Variants in PARD3B observed in about 807,000 individuals in gnomAD.
PARD3B encodes the protein partitioning defective 3 homolog B.
Under a neutral mutation model 130.2 loss-of-function variants are expected in PARD3B, and 103 were observed. The observed-to-expected ratio is 0.79, with a 90% CI of 0.67 to 0.93. PARD3B has a LOEUF of 0.93. Among genes scored for constraint, PARD3B ranks in the 40% least tolerant of loss-of-function variants. The pLI is 0.00. For missense variants in PARD3B, 1,609 were observed against 1,499.2 expected, an observed-to-expected ratio of 1.07 and a Z score of -1.21; for synonymous variants, 583 against 553.2, an observed-to-expected ratio of 1.05 and a Z score of -0.76.
At chr2:204,802,591 C>A (rs1280613205) in intron 2 of PARD3B, among the ~76,000 whole-genome samples, 1 of 152,126 alleles carries the variant, frequency 6.6e-6, no homozygotes, top group African/African-American at 2.4e-5. Flanking sequence ...GGAACTAACC[C>A]AAATGCCCAT....
intron 2 of PARD3B, among the ~76,000 whole-genome samples, chr2:204,848,904 CATT>C (rs1353709310): frequency 6.6e-6 from 1 of 152,044 alleles, no homozygotes. Context: ...TCTTCTGTCT[CATT>C]AGAAGATAAA....
chr2:205,380,347 A>AAT (rs1230832117), intron 18 of PARD3B, among the ~76,000 whole-genome samples: 1 of 16,300 alleles, frequency 6.1e-5, no homozygotes, highest in African/African-American at 2.9e-4. Flanking sequence ...AAGAATATAT[A>AAT]ATATATAATA....
intron 2 of PARD3B, among the ~76,000 whole-genome samples, chr2:204,810,436 T>A (rs539669551): frequency 6.6e-6 from 1 of 152,294 alleles, no homozygotes; most frequent in South Asian, 2.1e-4. Flanking sequence ...CCTAGTTTAT[T>A]GATAGTTTTT....
chr2:205,289,518 A>C lies in PARD3B; in HGVS notation c.2186-11012A>C, dbSNP rs1015268143. ...CAGATAAGGAAACTGAGGCACTGAGAGGTAAGAGCCTCACCTAGAGTAACA... is the reference window on the plus strand; with the variant it reads ...CAGATAAGGAAACTGAGGCACTGAGCGGTAAGAGCCTCACCTAGAGTAACA... On this transcript the variant is annotated intron_variant, in intron 16 of 22. Coordinates refer to ENST00000406610, the MANE Select transcript of PARD3B (RefSeq NM_001302769.2). 4.6e-5 allele frequency among the ~76,000 whole-genome samples: 7 copies of C among 152,172 alleles called. 1 individual carries two copies. Among genetic ancestry groups the C allele is most frequent in the South Asian group, 4.1e-4 (2 of 4,830 alleles).
chr2:205,525,452 A>T lies in PARD3B; in HGVS notation c.3180+25421A>T, dbSNP rs549580370. The stretch of plus-strand genomic sequence containing the variant: ...TAATTACAATATAATGCTGGGTGTT[A>T]TGTATGCACAGTTACCTATGAACAC... On this transcript the variant is annotated intron_variant, in intron 21 of 22. Transcript: ENST00000406610. The surrounding 1 kb of genome is among the most constrained non-coding windows in gnomAD (Gnocchi z 4.2). 2.0e-5 allele frequency among the ~76,000 whole-genome samples: 3 copies of T among 152,276 alleles called. 1 individual carries two copies. The South Asian group carries it at 6.2e-4, about 32-fold the overall frequency.
At chr2:205,514,201 C>T (rs1322574152) in intron 21 of PARD3B, among the ~76,000 whole-genome samples, 1 of 152,024 alleles carries the variant, frequency 6.6e-6, no homozygotes, top group African/African-American at 2.4e-5. Context: ...GATGATAATA[C>T]CATCAATTAG....
intron 19 of PARD3B, among the ~76,000 whole-genome samples, chr2:205,410,902 C>G (rs1421916943): frequency 1.3e-5 from 2 of 152,138 alleles, no homozygotes; most frequent in Admixed American, 6.5e-5. Context: ...CGTCACCACC[C>G]GGCCTCCACC....
At chr2:204,869,075 T>C (rs2045534337) in intron 2 of PARD3B, among the ~76,000 whole-genome samples, 1 of 152,226 alleles carries the variant, frequency 6.6e-6, no homozygotes, top group African/African-American at 2.4e-5. Flanking sequence ...ATGTATTTTT[T>C]CCTTTTAAAG....
chr2:204,716,003 CA>C (rs1283516291), intron 2 of PARD3B, among the ~76,000 whole-genome samples: 6 of 152,162 alleles, frequency 3.9e-5, no homozygotes, highest in Non-Finnish European at 8.8e-5. Context: ...ACATTATTGA[CA>C]AATGCTGCAG....
intron 3 of PARD3B, among the ~76,000 whole-genome samples, chr2:205,020,026 C>T (rs1696475783): frequency 1.3e-5 from 2 of 152,094 alleles, no homozygotes; most frequent in Admixed American, 6.6e-5. Flanking sequence ...AAAGCTGTTG[C>T]CGCTTTCTAA....
At chr2:204,933,755 T>C (rs1488800425) in intron 2 of PARD3B, among the ~76,000 whole-genome samples, 2 of 152,230 alleles carry the variant, frequency 1.3e-5, no homozygotes, top group African/African-American at 4.8e-5. Flanking sequence ...CTTGCCTCTG[T>C]TCAGCATCTC....
intron 2 of PARD3B, among the ~76,000 whole-genome samples, chr2:204,820,842 A>G (rs1430330274): frequency 1.1e-5 from 1 of 90,678 alleles, no homozygotes; most frequent in African/African-American, 3.9e-5. Context: ...AACAAACAAA[A>G]AGCCACTGCT....
In PARD3B at chr2:205,561,375, A is replaced by G. The variant is rs550837257; in HGVS notation, c.3260+7972A>G. Among the ~76,000 whole-genome samples the G allele has an allele frequency of 8.5e-5, 13 of 152,292 alleles. No homozygotes were observed. In the South Asian group the frequency reaches 2.7e-3, roughly 32 times the overall value. On this transcript the variant is annotated intron_variant, in intron 22 of 22. Transcript: ENST00000406610. ...GATAGTAATCCAAAGAGTTCAATGA[A>G]AAGTTGAGAATCAGAACATTAGGTA...
chr2:205,346,937 G>A (rs2043816901), intron 18 of PARD3B, among the ~76,000 whole-genome samples: 1 of 151,452 alleles, frequency 6.6e-6, no homozygotes, highest in South Asian at 2.1e-4. Flanking sequence ...GTGGCCTTCT[G>A]TAACTCTTGT....
At chr2:204,926,395 T>A (rs916050141) in intron 2 of PARD3B, among the ~76,000 whole-genome samples, 1 of 152,122 alleles carries the variant, frequency 6.6e-6, no homozygotes, top group African/African-American at 2.4e-5. Context: ...AAGCAACTTC[T>A]TTTCTCCTAA....
intron 1 of PARD3B, among the ~76,000 whole-genome samples, chr2:204,561,212 G>A (rs767722642): frequency 6.6e-6 from 1 of 152,186 alleles, no homozygotes; most frequent in Non-Finnish European, 1.5e-5. Context: ...TTCAGCATTG[G>A]ATTAGAGCCT....
chr2:205,278,887 T>G (rs1014730863), intron 16 of PARD3B, among the ~76,000 whole-genome samples: 2 of 151,800 alleles, frequency 1.3e-5, no homozygotes, highest in South Asian at 2.1e-4. Flanking sequence ...TTGACCAACA[T>G]GGCTAAACCC....
In PARD3B at chr2:205,617,084, G is replaced by A. The variant is rs1389501402; in HGVS notation, c.*1271G>A. 6.5e-6 allele frequency: 1 copy of A among 154,416 alleles called. No homozygotes were observed. The highest frequency in any genetic ancestry group is 1.5e-5 in the Non-Finnish European group (1 of 68,240). 9.6% of individuals were successfully genotyped at this position (154,416 alleles called of 1,614,324 possible). On this transcript the variant is annotated 3_prime_UTR_variant, in exon 23 of 23. Coordinates refer to ENST00000406610, the MANE Select transcript of PARD3B (RefSeq NM_001302769.2). ...ATTTCATTAGCTAAAGTCAGGTCAGGGCAGGGCCAAGGCCTCCAATTGGCA... is the reference window on the plus strand; with the variant it reads ...ATTTCATTAGCTAAAGTCAGGTCAGAGCAGGGCCAAGGCCTCCAATTGGCA...
chr2:205,380,391 G>A (rs1156903628), intron 18 of PARD3B, among the ~76,000 whole-genome samples: 1 of 25,760 alleles, frequency 3.9e-5, no homozygotes, highest in Non-Finnish European at 6.1e-5. Context: ...AATATATAAA[G>A]AATATATATT....
Sources: gnomAD v4.1 joint callset for allele counts (sites outside exome capture counted in the v4.1 genomes callset) on GRCh38, gnomAD v4.1.1 for gene constraint, Gnocchi (gnomAD v3.1) non-coding constraint, MANE v1.5 for transcripts, NCBI Gene and HGNC (gene_info 2026-07-23, HGNC 2026-07-21) for gene names.